PCDHGB4: variants seen among roughly 807,000 people sequenced by gnomAD.
PCDHGB4 encodes the protein protocadherin gamma subfamily B, 4, also known as protocadherin gamma-B4.
Under a neutral mutation model 60.5 loss-of-function variants are expected in PCDHGB4, and 38 were observed. The observed-to-expected ratio is 0.63, with a 90% CI of 0.48 to 0.82. The LOEUF (loss-of-function observed/expected upper bound fraction) is 0.82, where lower values mean the gene tolerates loss of function less well. PCDHGB4 is among the 40% of genes least tolerant of loss of function. The probability of loss-of-function intolerance (pLI) is 0.00; values close to 1 mark genes in which losing one functional copy is unlikely to be tolerated. For synonymous variants in PCDHGB4, 456 were observed against 509.7 expected (o/e 0.89, Z 1.42); for missense variants, 1,109 against 1,209.6 (o/e 0.92, Z 1.23).
intron 1 of PCDHGB4, chr5:141,427,047 C>T (rs1196561600): frequency 1.1e-5 from 5 of 457,294 alleles, no homozygotes; most frequent in Non-Finnish European, 1.8e-5. Flanking sequence ...GAATGTGCCC[C>T]CAGGCACCTC....
intron 1 of PCDHGB4, among the ~76,000 whole-genome samples, chr5:141,462,382 C>T (rs80320684): frequency 0.016 from 2,433 of 152,148 alleles, 70 homozygotes; most frequent in African/African-American, 0.055. Flanking sequence ...CTTTTAAATT[C>T]GTTAACATTT....
At chr5:141,479,842 G>A (rs1167563746) in intron 1 of PCDHGB4, among the ~76,000 whole-genome samples, 3 of 152,172 alleles carry the variant, frequency 2.0e-5, no homozygotes, top group African/African-American at 7.2e-5. Context: ...TCCATGCAAG[G>A]TGACTGCAAG....
rs752472089 is a variant in PCDHGB4, at chr5:141,389,501, G to T, written c.1617G>T (p.Ala539=). The T allele has an allele frequency of 3.7e-6, 6 of 1,612,948 alleles. No individual in the cohort carries two copies. In the East Asian group the frequency reaches 6.7e-5, roughly 18 times the overall value. The change falls in exon 1 of 4, where the codon GCG becomes GCT. Residue 539 remains alanine (A), a synonymous_variant. Transcript: ENST00000519479. Reference sequence around the variant, plus strand: ...AGGCCCGCGACCAGGGCTCGCCAGCGCTCAGCGCGAACGTGAGCCTGCGCG... The same window carrying T: ...AGGCCCGCGACCAGGGCTCGCCAGCTCTCAGCGCGAACGTGAGCCTGCGCG... ...TLQARDQGSP[A]LSANVSLRVL...
intron 1 of PCDHGB4, among the ~76,000 whole-genome samples, chr5:141,468,130 G>C (rs1312004369): frequency 6.6e-6 from 1 of 151,878 alleles, no homozygotes; most frequent in Admixed American, 6.6e-5. Context: ...TTTGAGACCA[G>C]CCTGGCCAAC....
rs781580216 is a variant in PCDHGB4 at position 141,430,931 on chromosome 5, G to A, written c.2397+40650G>A. The stretch of plus-strand genomic sequence containing the variant: ...CAGGGACCTGGGGCTGGAGCCCCGG[G>A]AGCTCGCGGAGCGCGGAGTCCGCAT... On this transcript the variant is annotated intron_variant, in intron 1 of 3. Coordinates refer to ENST00000519479, the MANE Select transcript of PCDHGB4 (RefSeq NM_003736.4). The A allele has an allele frequency of 1.5e-5, 24 of 1,607,530 alleles. No individual in the cohort carries two copies. In the East Asian group the frequency reaches 4.9e-4, roughly 33 times the overall value.
chr5:141,447,533 G>T (rs2098541881), intron 1 of PCDHGB4, among the ~76,000 whole-genome samples: 1 of 152,120 alleles, frequency 6.6e-6, no homozygotes, highest in South Asian at 2.1e-4. Flanking sequence ...CAAAATTGTT[G>T]GGTTTTAATG....
intron 1 of PCDHGB4, among the ~76,000 whole-genome samples, chr5:141,463,438 CTTTTT>C (rs71576115): frequency 7.7e-5 from 8 of 103,256 alleles, no homozygotes; most frequent in African/African-American, 2.7e-4. Flanking sequence ...TTTCCTTCTC[CTTTTT>C]TTTTTTTTTT....
intron 1 of PCDHGB4, among the ~76,000 whole-genome samples, chr5:141,429,664 ATTATT>A (rs2097234085): frequency 6.6e-6 from 1 of 152,214 alleles, no homozygotes; most frequent in Non-Finnish European, 1.5e-5. Context: ...TTTAAAATAT[ATTATT>A]TTATTTTATG....
At chr5:141,393,114 C>A (rs750579370) in intron 1 of PCDHGB4, 3 of 1,613,300 alleles carry the variant, frequency 1.9e-6, no homozygotes, top group South Asian at 2.2e-5. Context: ...TCAGAGCCCG[C>A]GGTGTCTGAT....
rs1464961193 is a variant in PCDHGB4 at position 141,432,346 on chromosome 5, A to G, written c.2397+42065A>G. The G allele has an allele frequency of 6.2e-7, 1 of 1,614,192 alleles. No homozygotes were observed. Among genetic ancestry groups the G allele is most frequent in the African/African-American group, 1.3e-5 (1 of 75,054 alleles). On this transcript the variant is annotated intron_variant, in intron 1 of 3. Coordinates refer to ENST00000519479, the MANE Select transcript of PCDHGB4 (RefSeq NM_003736.4). This position sits in a 1 kb window ranked among gnomAD's most constrained non-coding sequence, Gnocchi z 6.0. ...ACTACGAGCAGTTCCGAGACTTGCA[A>G]GTGAAAGTGATGGCGCGGGACAACG...
chr5:141,450,278 G>A (rs977381598), intron 1 of PCDHGB4, among the ~76,000 whole-genome samples: 1 of 152,026 alleles, frequency 6.6e-6, no homozygotes, highest in Non-Finnish European at 1.5e-5. Flanking sequence ...TCAGCTAAGT[G>A]CTGGGATTAC....
chr5:141,481,312 T>C (rs953898526), intron 1 of PCDHGB4, among the ~76,000 whole-genome samples: 1 of 152,200 alleles, frequency 6.6e-6, no homozygotes, highest in Non-Finnish European at 1.5e-5. Flanking sequence ...AAAACCTTCC[T>C]AAAGCACTAG....
In PCDHGB4 at chr5:141,485,051, CCGAACCGCG is replaced by C. The variant is rs2099605816; in HGVS notation, c.2398-9754_2398-9746del. On this transcript the variant is annotated intron_variant, in intron 1 of 3. Coordinates refer to ENST00000519479, the MANE Select transcript of PCDHGB4 (RefSeq NM_003736.4). This position sits in a 1 kb window ranked among gnomAD's most constrained non-coding sequence, Gnocchi z 5.7. ...CGGCGCGTAACCCTTGCGGCGCCGG[CCGAACCGCG>C]CCAGAGCTGGCGCGGGGAAAGGGAG... 1.2e-6 allele frequency: 1 copy of C among 801,304 alleles called. No individual in the cohort carries two copies. Among genetic ancestry groups the C allele is most frequent in the East Asian group, 2.5e-5 (1 of 40,224 alleles). 49.6% of individuals were successfully genotyped at this position (801,304 alleles called of 1,614,324 possible). A position where few individuals can be genotyped will look rare whatever the true frequency, so the allele number is the denominator to read the frequency against.
intron 1 of PCDHGB4, among the ~76,000 whole-genome samples, chr5:141,458,557 G>A (rs1258900717): frequency 6.9e-6 from 1 of 143,954 alleles, no homozygotes; most frequent in Non-Finnish European, 1.5e-5. Context: ...TGTTTGTTTT[G>A]GTTTTGGGTT....
At chr5:141,421,156 C>T in intron 1 of PCDHGB4, 1 of 1,197,694 alleles carries the variant, frequency 8.3e-7, no homozygotes, top group Non-Finnish European at 1.1e-6. Flanking sequence ...CGGCCTAGGA[C>T]TTCATAGATA....
intron 1 of PCDHGB4, chr5:141,419,895 C>G (rs1209315374): frequency 6.2e-7 from 1 of 1,613,916 alleles, no homozygotes; most frequent in Non-Finnish European, 8.5e-7. Context: ...AGCGACCATC[C>G]CACACCCTCT....
chr5:141,393,571 A>G, intron 1 of PCDHGB4: 4 of 1,613,974 alleles, frequency 2.5e-6, no homozygotes, highest in Non-Finnish European at 3.4e-6. Flanking sequence ...AAAGTCCTTG[A>G]GAACATGCCC....
At chr5:141,464,916 T>C (rs1298310554) in intron 1 of PCDHGB4, among the ~76,000 whole-genome samples, 1 of 152,024 alleles carries the variant, frequency 6.6e-6, no homozygotes, top group Non-Finnish European at 1.5e-5. Flanking sequence ...TTTTTTTATT[T>C]TTTTGTAGAG....
chr5:141,400,528 A>G, intron 1 of PCDHGB4: 2 of 1,613,868 alleles, frequency 1.2e-6, no homozygotes, highest in South Asian at 2.2e-5. Flanking sequence ...TGAGTTGGTG[A>G]GTTTCATTTA....
Sources: allele counts gnomAD v4.1 joint callset (sites outside exome capture counted in the v4.1 genomes callset), GRCh38; gene constraint gnomAD v4.1.1; non-coding constraint Gnocchi (gnomAD v3.1); transcripts MANE v1.5; gene names NCBI Gene and HGNC (gene_info 2026-07-23, HGNC 2026-07-21).